The following DLGAP2 variants were observed in gnomAD, a reference collection of about 807,000 sequenced individuals.
DLGAP2 encodes DLG associated protein 2.
A neutral mutation model predicts 100.3 loss-of-function variants in DLGAP2; 26 were observed. The observed-to-expected ratio is 0.26, with a 90% CI of 0.19 to 0.36. The LOEUF (loss-of-function observed/expected upper bound fraction) is 0.36, where lower values mean the gene tolerates loss of function less well. Among genes scored for constraint, DLGAP2 ranks in the 10% least tolerant of loss-of-function variants. The probability of loss-of-function intolerance (pLI) is 1.00; values close to 1 mark genes in which losing one functional copy is unlikely to be tolerated. For missense variants in DLGAP2, 1,858 were observed against 1,453.2 expected (o/e 1.28, Z -4.53); for synonymous variants, 886 against 630.1 (o/e 1.41, Z -6.08).
intron 2 of DLGAP2, among the ~76,000 whole-genome samples, chr8:1,157,747 C>T (rs1796818266): frequency 6.6e-6 from 1 of 152,196 alleles, no homozygotes; most frequent in Non-Finnish European, 1.5e-5. Context: ...AGCCACCCAC[C>T]TATGCGTGGA....
intron 12 of DLGAP2, among the ~76,000 whole-genome samples, chr8:1,679,379 CGGGAGT>C: frequency 1.1e-5 from 1 of 91,206 alleles, no homozygotes. Flanking sequence ...CATTCCTCTA[CGGGAGT>C]CACCACCAAA....
intron 2 of DLGAP2, among the ~76,000 whole-genome samples, chr8:1,222,345 G>T (rs1253955514): frequency 1.3e-5 from 2 of 152,120 alleles, no homozygotes; most frequent in African/African-American, 2.4e-5. Flanking sequence ...AGATTTCAAG[G>T]GATAAAGGCT....
At chr8:1,147,380 A>G (rs1293245095) in intron 2 of DLGAP2, among the ~76,000 whole-genome samples, 2 of 152,046 alleles carry the variant, frequency 1.3e-5, no homozygotes, top group African/African-American at 2.4e-5. Context: ...ACATTTATGT[A>G]TTATTTAACT....
intron 2 of DLGAP2, among the ~76,000 whole-genome samples, chr8:1,071,464 G>A (rs1374110588): frequency 6.6e-6 from 1 of 152,162 alleles, no homozygotes; most frequent in Non-Finnish European, 1.5e-5. Context: ...GCTGTCCTCA[G>A]CTACCAGTCA....
chr8:1,328,595 C>T (rs550740322), intron 3 of DLGAP2, among the ~76,000 whole-genome samples: 2 of 152,302 alleles, frequency 1.3e-5, no homozygotes, highest in East Asian at 3.9e-4. Flanking sequence ...AGGTGATCTG[C>T]CCGCCTTGGC....
At chr8:1,335,671 G>A (rs1250597028) in intron 3 of DLGAP2, among the ~76,000 whole-genome samples, 4 of 152,168 alleles carry the variant, frequency 2.6e-5, no homozygotes, top group Non-Finnish European at 5.9e-5. Flanking sequence ...AGGAAAAGTC[G>A]AGAGCAATCC....
At chr8:1,246,520 A>G (rs1371429880) in intron 2 of DLGAP2, among the ~76,000 whole-genome samples, 1 of 152,184 alleles carries the variant, frequency 6.6e-6, no homozygotes, top group Non-Finnish European at 1.5e-5. Context: ...GGAATTCATC[A>G]TGCTCTTCTG....
intron 6 of DLGAP2, among the ~76,000 whole-genome samples, chr8:1,613,501 C>G (rs1362102510): frequency 1.3e-5 from 2 of 150,574 alleles, no homozygotes; most frequent in East Asian, 1.9e-4. Context: ...ATGTAACTAA[C>G]CTGCACAATG....
Position 875,006 on chromosome 8 carries a change from A to G in DLGAP2, c.19-32906A>G, listed in dbSNP as rs968966852. On this transcript the variant is annotated intron_variant, in intron 1 of 14. Coordinates refer to ENST00000637795, the MANE Select transcript of DLGAP2 (RefSeq NM_001346810.2). ...TCTCTTTTATAGTTAGTTCCTCTTT[A>G]TCTGTAGTAACAGTTTTTGTTTTAA... Among the ~76,000 whole-genome samples, 4 of 152,248 alleles carry G rather than the reference A, an allele frequency of 2.6e-5. No homozygotes were observed. The East Asian group carries it at 7.7e-4, about 29-fold the overall frequency.
At chr8:887,718 T>C (rs1797950032) in intron 1 of DLGAP2, among the ~76,000 whole-genome samples, 2 of 152,202 alleles carry the variant, frequency 1.3e-5, no homozygotes, top group Non-Finnish European at 2.9e-5. Context: ...TCTTCTGGCG[T>C]GTAGGGTTTC....
At chr8:1,037,231 C>G (rs940407532) in intron 2 of DLGAP2, among the ~76,000 whole-genome samples, 1 of 152,186 alleles carries the variant, frequency 6.6e-6, no homozygotes, top group Non-Finnish European at 1.5e-5. Context: ...CCGAGCGCCC[C>G]GAGCTTTCCA....
chr8:890,870 G>A (rs1224529564), intron 1 of DLGAP2, among the ~76,000 whole-genome samples: 1 of 152,132 alleles, frequency 6.6e-6, no homozygotes, highest in Non-Finnish European at 1.5e-5. Flanking sequence ...CAACCCTGTT[G>A]CATGGGATGT....
chr8:1,602,413 A>G (rs1003345108), intron 6 of DLGAP2, among the ~76,000 whole-genome samples: 4 of 152,242 alleles, frequency 2.6e-5, no homozygotes, highest in African/African-American at 7.2e-5. Flanking sequence ...GGCATTATTA[A>G]GAATCTCCAG....
At chr8:1,174,290 A>G (rs1315067162) in intron 2 of DLGAP2, among the ~76,000 whole-genome samples, 2 of 151,912 alleles carry the variant, frequency 1.3e-5, no homozygotes, top group Admixed American at 6.6e-5. Context: ...CATCACCACC[A>G]TCATCACCAC....
intron 2 of DLGAP2, among the ~76,000 whole-genome samples, chr8:1,203,699 C>T (rs1331304909): frequency 2.0e-5 from 3 of 152,218 alleles, no homozygotes; most frequent in East Asian, 1.9e-4. Flanking sequence ...CCCTTATTCT[C>T]GCTCTATACC....
At chr8:1,465,127 A>G in intron 3 of DLGAP2, among the ~76,000 whole-genome samples, 1 of 152,166 alleles carries the variant, frequency 6.6e-6, no homozygotes, top group East Asian at 1.9e-4. Flanking sequence ...CCACAGGGGG[A>G]GGGCTGGGTC....
chr8:1,019,314 C>T (rs951273245), intron 2 of DLGAP2: 3 of 151,934 alleles, frequency 2.0e-5, no homozygotes, highest in Admixed American at 1.3e-4. Context: ...TTTTTCATCT[C>T]GGGATAATTG....
At chr8:1,129,973 C>G (rs34175152) in intron 2 of DLGAP2, among the ~76,000 whole-genome samples, 1 of 152,186 alleles carries the variant, frequency 6.6e-6, no homozygotes, top group Non-Finnish European at 1.5e-5. Flanking sequence ...TGAGTAAGGA[C>G]AGGCAGTTCT....
intron 2 of DLGAP2, among the ~76,000 whole-genome samples, chr8:1,110,242 C>G (rs1239768348): frequency 3.1e-5 from 4 of 128,372 alleles, no homozygotes; most frequent in Admixed American, 8.0e-5. Context: ...TGTGCTGGAT[C>G]TGTGAGGTGT....
Sources: gnomAD v4.1 joint callset for allele counts (sites outside exome capture counted in the v4.1 genomes callset) on GRCh38, gnomAD v4.1.1 for gene constraint, MANE v1.5 for transcripts, NCBI Gene and HGNC (gene_info 2026-07-23, HGNC 2026-07-21) for gene names.